TFDP2: variants seen among roughly 807,000 people sequenced by gnomAD.
The protein encoded by TFDP2 is transcription factor Dp-2, also known as transcription factor Dp-2 (E2F dimerization partner 2).
In TFDP2, 17 loss-of-function variants were observed where a neutral mutation model predicts 59.3. That is an observed-to-expected ratio of 0.29 (90% CI 0.20 to 0.43). The LOEUF (loss-of-function observed/expected upper bound fraction) is 0.43. TFDP2 is among the 20% of genes least tolerant of loss of function. TFDP2 has a pLI of 1.00. For missense variants in TFDP2, 391 were observed against 528.8 expected, an observed-to-expected ratio of 0.74 and a Z score of 2.56; for synonymous variants, 180 against 194.7, an observed-to-expected ratio of 0.92 and a Z score of 0.63.
At chr3:142,085,609 G>T (rs2060788457) in intron 3 of TFDP2, among the ~76,000 whole-genome samples, 1 of 151,868 alleles carries the variant, frequency 6.6e-6, no homozygotes, top group South Asian at 2.1e-4. Context: ...TATTAAGGGG[G>T]AAAAGTAACA....
chr3:141,980,946 TGAA>T (rs991815640), intron 6 of TFDP2, among the ~76,000 whole-genome samples: 4 of 152,156 alleles, frequency 2.6e-5, no homozygotes, highest in Admixed American at 6.5e-5. Flanking sequence ...AACTTATTAT[TGAA>T]GAAGAAAAAA....
chr3:142,140,473 C>T (rs565675134), intron 1 of TFDP2, among the ~76,000 whole-genome samples: 6 of 152,312 alleles, frequency 3.9e-5, no homozygotes, highest in Non-Finnish European at 7.3e-5. Flanking sequence ...AGCTTTTCTG[C>T]TCTGGTTTCT....
intron 4 of TFDP2, among the ~76,000 whole-genome samples, chr3:142,004,922 C>T (rs2108264018): frequency 6.6e-6 from 1 of 152,288 alleles, no homozygotes; most frequent in African/African-American, 2.4e-5. Flanking sequence ...TCCACAGATT[C>T]AAATATGTGA....
At chr3:141,959,889 T>C (rs1937145215) in intron 10 of TFDP2, 49 bp from the exon 11 acceptor site, 1 of 1,578,854 alleles carries the variant, frequency 6.3e-7, no homozygotes, top group Non-Finnish European at 8.7e-7. Flanking sequence ...TGGAGAGGTC[T>C]GAATAGTTTT....
chr3:141,979,770 G>A (rs556301129), intron 6 of TFDP2, among the ~76,000 whole-genome samples: 158 of 152,216 alleles, frequency 1.0e-3, no homozygotes, highest in African/African-American at 3.6e-3. Flanking sequence ...TGTACTTTTA[G>A]TAGAGACGGG....
At chr3:141,960,819 T>G (rs903815911) in intron 10 of TFDP2, among the ~76,000 whole-genome samples, 2 of 152,226 alleles carry the variant, frequency 1.3e-5, no homozygotes, top group African/African-American at 4.8e-5. Flanking sequence ...CAGATCGTTT[T>G]GTAAATGTAA....
intron 1 of TFDP2, among the ~76,000 whole-genome samples, chr3:142,103,057 G>A (rs1459804221): frequency 2.0e-5 from 3 of 152,084 alleles, no homozygotes; most frequent in Non-Finnish European, 4.4e-5. Flanking sequence ...CCAACATGGT[G>A]AAACCCCTTC....
intron 10 of TFDP2, among the ~76,000 whole-genome samples, chr3:141,961,410 A>G (rs567735278): frequency 2.6e-5 from 4 of 151,510 alleles, no homozygotes; most frequent in Non-Finnish European, 5.9e-5. Flanking sequence ...TGCCTGGCTA[A>G]TTTTTGTATT....
chr3:141,962,726 G>A (rs1026392004), intron 10 of TFDP2, among the ~76,000 whole-genome samples: 3 of 152,202 alleles, frequency 2.0e-5, no homozygotes, highest in Admixed American at 6.5e-5. Flanking sequence ...AACAGAGACC[G>A]GCAGGGGGCG....
intron 6 of TFDP2, among the ~76,000 whole-genome samples, chr3:141,979,044 T>C (rs540554629): frequency 5.3e-5 from 8 of 152,362 alleles, no homozygotes; most frequent in African/African-American, 1.7e-4. Flanking sequence ...ATGTAGATTA[T>C]AGTTTTTTAC....
At chr3:142,004,055 C>G (rs1232519711) in intron 4 of TFDP2, among the ~76,000 whole-genome samples, 25 of 152,164 alleles carry the variant, frequency 1.6e-4, no homozygotes, top group Non-Finnish European at 7.4e-5. Flanking sequence ...TGCTTTATCT[C>G]ATTTGCACCT....
chr3:142,017,336 T>C (rs1299593568), intron 3 of TFDP2, among the ~76,000 whole-genome samples: 2 of 152,094 alleles, frequency 1.3e-5, no homozygotes, highest in Non-Finnish European at 2.9e-5. Flanking sequence ...AGCTTAATAT[T>C]TGTTGGATGA....
At position 141,978,543 on chromosome 3, in the gene TFDP2, T is replaced by G; in HGVS notation, c.496A>C (p.Asn166His). 4 of 1,609,630 alleles carry G rather than the reference T, an allele frequency of 2.5e-6. No homozygotes were observed. Among genetic ancestry groups the G allele is most frequent in the South Asian group, 1.1e-5 (1 of 89,446 alleles). ...DELVSEFTNS[N>H]NHLAADSAYD... ...ACCGAATCAGCAGCCAAATGGTTAT[T>G]TGAATTGGTGAACTCTGACACCAGC... The change falls in exon 7 of 13, where the codon AAT becomes CAT. Residue 166 changes from asparagine (N) to histidine (H), a missense_variant. This residue lies in a region of TFDP2 where 162 missense variants were observed against 206.8 expected (regional missense o/e 0.78). Coordinates refer to ENST00000489671, the MANE Select transcript of TFDP2 (RefSeq NM_001178139.2).
Position 142,045,804 on chromosome 3 carries a change from G to A in TFDP2, c.83-40260C>T, listed in dbSNP as rs1228562245. Among the ~76,000 whole-genome samples the A allele has an allele frequency of 2.0e-5, 3 of 148,296 alleles. No individual in the cohort carries two copies. In the East Asian group the frequency reaches 6.0e-4, roughly 30 times the overall value. ...ATTTTTGTACTTTTTTTTTTTTTTA[G>A]TAGGGATGGGATTTCACCATGTTGG... On this transcript the variant is annotated intron_variant, in intron 3 of 12. Coordinates refer to ENST00000489671, the MANE Select transcript of TFDP2 (RefSeq NM_001178139.2).
At chr3:142,026,340 C>A (rs980229742) in intron 3 of TFDP2, among the ~76,000 whole-genome samples, 1 of 150,620 alleles carries the variant, frequency 6.6e-6, no homozygotes, top group African/African-American at 2.4e-5. Context: ...CAAAAAAAAA[C>A]AACAAAAAAA....
chr3:141,967,925 T>C (rs1938379928), intron 9 of TFDP2, among the ~76,000 whole-genome samples: 1 of 152,166 alleles, frequency 6.6e-6, no homozygotes, highest in Non-Finnish European at 1.5e-5. Flanking sequence ...GGCAGATGAC[T>C]GTTGGCATGC....
chr3:141,960,740 T>C (rs938502677), intron 10 of TFDP2, among the ~76,000 whole-genome samples: 3 of 151,700 alleles, frequency 2.0e-5, no homozygotes, highest in African/African-American at 4.8e-5. Flanking sequence ...TAAAGTACAA[T>C]AACAACTTAA....
intron 3 of TFDP2, among the ~76,000 whole-genome samples, chr3:142,073,472 C>CCCCA (rs1553796689): frequency 7.6e-5 from 4 of 52,502 alleles, no homozygotes; most frequent in African/African-American, 1.5e-4. Context: ...CCCCCCCCCG[C>CCCCA]AAAAAAAAAA....
At chr3:141,973,949 A>T (rs1940222352) in intron 8 of TFDP2, 99 bp downstream of exon 8, 1 of 1,382,078 alleles carries the variant, frequency 7.2e-7, no homozygotes, top group Non-Finnish European at 9.8e-7. Flanking sequence ...ATACATGAAA[A>T]ATTGGAAATA....
Sources: allele counts gnomAD v4.1 joint callset (sites outside exome capture counted in the v4.1 genomes callset), GRCh38; gene constraint gnomAD v4.1.1; regional missense constraint gnomAD v4.1.1; transcripts MANE v1.5; gene names NCBI Gene and HGNC (gene_info 2026-07-23, HGNC 2026-07-21).